HOMER1: variants seen among roughly 807,000 people sequenced by gnomAD.
The protein encoded by HOMER1 is homer protein homolog 1.
HOMER1 carries 3 observed loss-of-function variants against 48.9 expected under a neutral mutation model. The ratio of observed to expected loss-of-function variants is 0.06; its 90% confidence interval spans 0.03 to 0.16. The LOEUF is 0.16. HOMER1 is among the 10% of genes least tolerant of loss of function. The pLI is 1.00. For missense variants in HOMER1, 247 were observed against 411.4 expected (o/e 0.60, Z 3.46); for synonymous variants, 134 against 146.4 (o/e 0.92, Z 0.61).
chr5:79,435,897 C>T (rs562163115), intron 5 of HOMER1, among the ~76,000 whole-genome samples: 3 of 150,364 alleles, frequency 2.0e-5, no homozygotes, highest in Non-Finnish European at 4.4e-5. Flanking sequence ...GAGGCCGAGG[C>T]GGGTGGATCA....
At chr5:79,390,712 A>T (rs1749226798) in intron 8 of HOMER1, among the ~76,000 whole-genome samples, 2 of 152,172 alleles carry the variant, frequency 1.3e-5, no homozygotes, top group African/African-American at 4.8e-5. Flanking sequence ...ATTACGTAAC[A>T]TAGAAATTAT....
chr5:79,426,448 T>C (rs1177233046), intron 5 of HOMER1, among the ~76,000 whole-genome samples: 1 of 152,066 alleles, frequency 6.6e-6, no homozygotes, highest in Non-Finnish European at 1.5e-5. Flanking sequence ...ATATACACAA[T>C]GGAGTACGAT....
At chr5:79,418,215 C>T (rs891305116) in intron 5 of HOMER1, among the ~76,000 whole-genome samples, 50 of 152,160 alleles carry the variant, frequency 3.3e-4, no homozygotes, top group African/African-American at 1.2e-3. Context: ...AAGTATTATG[C>T]AAATGAATTC....
chr5:79,472,729 T>C (rs1469426902), intron 1 of HOMER1, among the ~76,000 whole-genome samples: 1 of 152,040 alleles, frequency 6.6e-6, no homozygotes, highest in African/African-American at 2.4e-5. Flanking sequence ...TAATGAGCTA[T>C]GTCTGTGCCA....
chr5:79,434,147 TC>T (rs1235973942), intron 5 of HOMER1, among the ~76,000 whole-genome samples: 1 of 152,154 alleles, frequency 6.6e-6, no homozygotes, highest in Non-Finnish European at 1.5e-5. Flanking sequence ...ATATGTCTTT[TC>T]TGAACTCTCG....
intron 1 of HOMER1, among the ~76,000 whole-genome samples, chr5:79,460,167 T>C (rs1296710240): frequency 6.6e-6 from 1 of 152,112 alleles, no homozygotes; most frequent in Non-Finnish European, 1.5e-5. Context: ...AGCTTTGCAT[T>C]TTAGAAAGAT....
At chr5:79,441,965 T>TGG (rs1251430508) in intron 4 of HOMER1, among the ~76,000 whole-genome samples, 2 of 141,110 alleles carry the variant, frequency 1.4e-5, no homozygotes, top group Non-Finnish European at 3.2e-5. Flanking sequence ...TATTCTTTTT[T>TGG]GGGGTGTGTG....
At chr5:79,434,486 T>A (rs1416192013) in intron 5 of HOMER1, among the ~76,000 whole-genome samples, 2 of 152,140 alleles carry the variant, frequency 1.3e-5, no homozygotes, top group Non-Finnish European at 2.9e-5. Context: ...GATATATAGC[T>A]AATCTAAGAT....
intron 1 of HOMER1, among the ~76,000 whole-genome samples, chr5:79,492,026 C>T (rs1254114625): frequency 6.6e-6 from 1 of 152,168 alleles, no homozygotes; most frequent in Non-Finnish European, 1.5e-5. Context: ...TTGTGCTACA[C>T]TTTACCATAG....
intron 1 of HOMER1, among the ~76,000 whole-genome samples, chr5:79,470,212 T>C (rs1164720210): frequency 1.3e-5 from 2 of 152,174 alleles, no homozygotes; most frequent in East Asian, 1.9e-4. Context: ...TTTCAAACCC[T>C]AGGTCACAAT....
At chr5:79,497,288 T>C (rs1752453040) in intron 1 of HOMER1, among the ~76,000 whole-genome samples, 1 of 152,074 alleles carries the variant, frequency 6.6e-6, no homozygotes, top group Non-Finnish European at 1.5e-5. Flanking sequence ...AACTGGTAAG[T>C]ACTGTTAAAA....
chr5:79,487,916 G>T (rs1304055788), intron 1 of HOMER1, among the ~76,000 whole-genome samples: 1 of 152,090 alleles, frequency 6.6e-6, no homozygotes, highest in Non-Finnish European at 1.5e-5. Context: ...CTAGAGAGGT[G>T]CAGGCAGTAC....
rs544831777 is a variant in HOMER1 at position 79,412,737 on chromosome 5, T to C, written c.528-10682A>G. ...AACATAATAGACAAAATATCTGGAA[T>C]ACAATTCAAAATTAGTTGACACAAA... On this transcript the variant is annotated intron_variant, in intron 5 of 8. Coordinates refer to ENST00000334082, the MANE Select transcript of HOMER1 (RefSeq NM_004272.5). Among the ~76,000 whole-genome samples the C allele has an allele frequency of 1.6e-4, 24 of 152,354 alleles. No individual in the cohort carries two copies. In the Middle Eastern group the frequency reaches 0.01, roughly 65 times the overall value.
chr5:79,388,669 A>C (rs1276014898), intron 8 of HOMER1, among the ~76,000 whole-genome samples: 4 of 152,140 alleles, frequency 2.6e-5, no homozygotes, highest in Non-Finnish European at 4.4e-5. Context: ...AACTCATGAG[A>C]GAAACAGAAG....
chr5:79,434,690 T>G (rs1387845143), intron 5 of HOMER1, among the ~76,000 whole-genome samples: 1 of 152,174 alleles, frequency 6.6e-6, no homozygotes, highest in Non-Finnish European at 1.5e-5. Flanking sequence ...ATAAGTACAC[T>G]AAAACAGTAT....
At chr5:79,419,376 A>G (rs1019682476) in intron 5 of HOMER1, among the ~76,000 whole-genome samples, 1 of 152,228 alleles carries the variant, frequency 6.6e-6, no homozygotes, top group Non-Finnish European at 1.5e-5. Flanking sequence ...AGGTTTACTT[A>G]GCTTATTAAC....
intron 1 of HOMER1, among the ~76,000 whole-genome samples, chr5:79,475,131 C>T (rs1751726104): frequency 6.6e-6 from 1 of 152,194 alleles, no homozygotes; most frequent in Non-Finnish European, 1.5e-5. Context: ...AGACACTGTT[C>T]TAAGCACTGT....
intron 1 of HOMER1, among the ~76,000 whole-genome samples, chr5:79,467,857 G>A (rs1257338563): frequency 6.6e-6 from 1 of 152,036 alleles, no homozygotes; most frequent in East Asian, 1.9e-4. Context: ...GCTCACTTCA[G>A]CCTTGACCTC....
chr5:79,449,858 A>G (rs1213142294), intron 3 of HOMER1, among the ~76,000 whole-genome samples: 1 of 152,222 alleles, frequency 6.6e-6, no homozygotes. Context: ...TTGAGATTTA[A>G]ACTATAATTC....
Sources: gnomAD v4.1 joint callset for allele counts (sites outside exome capture counted in the v4.1 genomes callset) on GRCh38, gnomAD v4.1.1 for gene constraint, MANE v1.5 for transcripts, NCBI Gene and HGNC (gene_info 2026-07-23, HGNC 2026-07-21) for gene names.